Variants in RGL1 observed in about 807,000 individuals in gnomAD.
The protein encoded by RGL1 is ral guanine nucleotide dissociation stimulator-like 1.
Under a neutral mutation model 95.2 loss-of-function variants are expected in RGL1, and 24 were observed. The observed-to-expected ratio is 0.25, with a 90% CI of 0.18 to 0.35. The LOEUF (loss-of-function observed/expected upper bound fraction) is 0.35, where lower values mean the gene tolerates loss of function less well. Ranked by LOEUF, RGL1 falls within the 10% of genes least tolerant of loss-of-function variation. RGL1 has a pLI of 1.00. For synonymous variants in RGL1, 329 were observed against 344.9 expected (o/e 0.95, Z 0.51); for missense variants, 715 against 936.3 (o/e 0.76, Z 3.08).
Position 183,916,538 on chromosome 1 carries a change from C to T in RGL1, c.1841C>T (p.Pro614Leu). 1.2e-6 allele frequency: 2 copies of T among 1,613,882 alleles called. No homozygotes were observed. The highest frequency in any genetic ancestry group is 1.1e-5 in the South Asian group (1 of 91,038). Residue 614 changes from proline (P) to leucine (L), a missense_variant, in exon 16 of 18, where the codon CCT (proline) becomes CTT (leucine). Transcript: ENST00000360851. The stretch of plus-strand genomic sequence containing the variant: ...TCCTTAATCAACCCCCTCTCCTCCC[C>T]TCCGTCCTGCAACAACAACCCCAAA... ...MSSLINPLSS[P>L]PSCNNNPKIH...
intron 2 of RGL1, among the ~76,000 whole-genome samples, chr1:183,833,679 T>C (rs890126769): frequency 2.0e-5 from 3 of 152,220 alleles, no homozygotes; most frequent in African/African-American, 4.8e-5. Context: ...TCTGAACATA[T>C]TGTATGATTT....
intron 2 of RGL1, among the ~76,000 whole-genome samples, chr1:183,816,067 T>C (rs1029604776): frequency 1.3e-5 from 2 of 152,224 alleles, no homozygotes; most frequent in Non-Finnish European, 2.9e-5. Flanking sequence ...GTAATCCTCG[T>C]ATATTAGAAA....
rs1553273648 is a variant in RGL1, at chr1:183,713,383, C to CCCG, written c.-32-28741_-32-28740insGCC. ...AAAAAAAAATCTAGAGGCACCCCCC[C>CCCG]CCCCCGCTTTTATAATGACCCTTTT... On this transcript the variant is annotated intron_variant, in intron 1 of 18. Coordinates refer to the RGL1 transcript ENST00000304685. 9.9e-4 allele frequency among the ~76,000 whole-genome samples: 135 copies of CCCG among 136,638 alleles called. 12 individuals carry two copies. Among genetic ancestry groups the CCCG allele is most frequent in the African/African-American group, 3.7e-3 (132 of 35,524 alleles). 89.6% of individuals were successfully genotyped at this position (136,638 alleles called of 152,430 possible). A position where few individuals can be genotyped will look rare whatever the true frequency, so the allele number is the denominator to read the frequency against.
At chr1:183,739,927 G>A (rs745681410) in intron 1 of RGL1, among the ~76,000 whole-genome samples, 3 of 152,194 alleles carry the variant, frequency 2.0e-5, no homozygotes, top group Non-Finnish European at 4.4e-5. Context: ...GGGGTCTCTG[G>A]AACATGTTAC....
chr1:183,880,571 C>T (rs1201980297), intron 4 of RGL1, 45 bp from the exon 5 acceptor site: 1 of 1,593,794 alleles, frequency 6.3e-7, no homozygotes, highest in African/African-American at 1.3e-5. Flanking sequence ...GCTTTGCCTC[C>T]CCACAGCCAG....
At chr1:183,704,700 G>A (rs1001949278) in intron 1 of RGL1, among the ~76,000 whole-genome samples, 1 of 152,258 alleles carries the variant, frequency 6.6e-6, no homozygotes, top group Non-Finnish European at 1.5e-5. Flanking sequence ...GCATGGTGAT[G>A]TGGGGAGTTT....
chr1:183,772,522 T>G (rs182872192), intron 2 of RGL1, among the ~76,000 whole-genome samples: 61 of 152,310 alleles, frequency 4.0e-4, no homozygotes, highest in African/African-American at 1.3e-3. Flanking sequence ...TAGTTCTTCC[T>G]ACAGTAGTAG....
At chr1:183,767,025 G>C (rs1418859708) in intron 2 of RGL1, among the ~76,000 whole-genome samples, 1 of 151,798 alleles carries the variant, frequency 6.6e-6, no homozygotes, top group East Asian at 1.9e-4. Context: ...AGACCAGCCT[G>C]GGCAATATAA....
intron 1 of RGL1, among the ~76,000 whole-genome samples, chr1:183,717,076 A>G (rs1237310081): frequency 6.6e-6 from 1 of 152,232 alleles, no homozygotes; most frequent in African/African-American, 2.4e-5. Context: ...CCTGGCCCAC[A>G]TGAAGATTTT....
chr1:183,692,223 G>A (rs1178283157), intron 1 of RGL1, among the ~76,000 whole-genome samples: 3 of 152,188 alleles, frequency 2.0e-5, no homozygotes, highest in African/African-American at 7.2e-5. Context: ...TGCTAGGGAC[G>A]AGGTTGGAAT....
chr1:183,827,406 A>T (rs998492645), intron 2 of RGL1, among the ~76,000 whole-genome samples: 1 of 152,208 alleles, frequency 6.6e-6, no homozygotes, highest in Non-Finnish European at 1.5e-5. Context: ...TATGGCAGCT[A>T]AACTTAAAAA....
chr1:183,687,973 C>T (rs1365907455), intron 1 of RGL1, among the ~76,000 whole-genome samples: 1 of 152,076 alleles, frequency 6.6e-6, no homozygotes, highest in Non-Finnish European at 1.5e-5. Flanking sequence ...TATTTTGTGT[C>T]AGCAAGATCT....
chr1:183,880,867 G>C, intron 5 of RGL1, 67 bp downstream of exon 5: 2 of 1,450,596 alleles, frequency 1.4e-6, no homozygotes, highest in Non-Finnish European at 1.9e-6. Flanking sequence ...GCTGGAGAAA[G>C]GTTCTCCCTG....
chr1:183,715,584 A>G lies in RGL1; in HGVS notation c.-32-26542A>G, dbSNP rs73057756. Among the ~76,000 whole-genome samples, 316 of 152,296 alleles carry G rather than the reference A, an allele frequency of 2.1e-3. 1 individual carries two copies. The highest frequency in any genetic ancestry group is 5.3e-3 in the African/African-American group (221 of 41,572). On this transcript the variant is annotated intron_variant, in intron 1 of 18. Coordinates refer to the RGL1 transcript ENST00000304685. ...GAGACTATTAACACTTTATTTTCAC[A>G]TAACACCAAGTAACTAAGAATTGCT...
intron 2 of RGL1, among the ~76,000 whole-genome samples, chr1:183,759,168 TC>T (rs1189417254): frequency 7.9e-5 from 12 of 152,184 alleles, no homozygotes; most frequent in African/African-American, 2.4e-4. Context: ...CACTTGCAGG[TC>T]CTAGAGAGAG....
intron 2 of RGL1, among the ~76,000 whole-genome samples, chr1:183,780,744 G>C (rs562054260): frequency 1.2e-3 from 189 of 152,168 alleles, no homozygotes; most frequent in Non-Finnish European, 9.1e-4. Flanking sequence ...TCTCAGTTTT[G>C]CCTTACCTCT....
At chr1:183,800,358 A>G (rs2054838420), upstream of RGL1, among the ~76,000 whole-genome samples, 1 of 152,146 alleles carries the variant, frequency 6.6e-6, no homozygotes, top group South Asian at 2.1e-4. Flanking sequence ...TTTGCTCTTT[A>G]TCTATTGGCT....
chr1:183,764,434 G>T (rs999312047), intron 2 of RGL1, among the ~76,000 whole-genome samples: 1 of 152,182 alleles, frequency 6.6e-6, no homozygotes, highest in Admixed American at 6.5e-5. Flanking sequence ...TCCAGATGTG[G>T]TGATCTGGTA....
At chr1:183,787,104 A>G (rs957168175) in intron 2 of RGL1, among the ~76,000 whole-genome samples, 3 of 152,244 alleles carry the variant, frequency 2.0e-5, no homozygotes, top group South Asian at 2.1e-4. Context: ...CATTCCATCA[A>G]TACAACTCAT....
Sources: allele counts gnomAD v4.1 joint callset (sites outside exome capture counted in the v4.1 genomes callset), GRCh38; gene constraint gnomAD v4.1.1; transcripts MANE v1.5; gene names NCBI Gene and HGNC (gene_info 2026-07-23, HGNC 2026-07-21).